UBE3A: variants seen among roughly 807,000 people sequenced by gnomAD.
UBE3A encodes ubiquitin protein ligase E3A.
Under a neutral mutation model 83.4 loss-of-function variants are expected in UBE3A, and 6 were observed. The ratio of observed to expected loss-of-function variants is 0.07; its 90% CI spans 0.04 to 0.14. The LOEUF (loss-of-function observed/expected upper bound fraction) is 0.14, where lower values mean the gene tolerates loss of function less well. Ranked by LOEUF, UBE3A falls within the 10% of genes least tolerant of loss-of-function variation. The pLI is 1.00. For missense variants in UBE3A, 456 were observed against 1,036.1 expected, an observed-to-expected ratio of 0.44 and a Z score of 7.69; for synonymous variants, 337 against 355.4, an observed-to-expected ratio of 0.95 and a Z score of 0.58.
rs2080359314 is a variant in UBE3A at position 25,371,951 on chromosome 15, A to C, written c.362-139T>G. The C allele has an allele frequency of 2.2e-6, 2 of 914,748 alleles. No homozygotes were observed. The highest frequency in any genetic ancestry group is 3.5e-4 in the Middle Eastern group (1 of 2,872). The allele number at this position is 914,748 out of a possible 1,614,324, so 56.7% of individuals were successfully genotyped here. On this transcript the variant is annotated intron_variant, in intron 5 of 12. Transcript: ENST00000648336. This position sits in a 1 kb window ranked among gnomAD's most constrained non-coding sequence, Gnocchi z 5.3. ...TGATATACAACTCTTAAAGTATCTA[A>C]TACTTAGATTCAGCAAACAAAATTT...
chr15:25,423,434 A>C (rs1281158023), intron 1 of UBE3A, among the ~76,000 whole-genome samples: 1 of 152,210 alleles, frequency 6.6e-6, no homozygotes, highest in African/African-American at 2.4e-5. Flanking sequence ...ATTTGTAGGA[A>C]TCTACCTTAC....
At position 25,336,288 on chromosome 15, in the gene UBE3A, A is replaced by C. The variant is rs543096076; in HGVS notation, c.*2849T>G. 21 of 152,332 alleles carry C rather than the reference A, an allele frequency of 1.4e-4. No homozygotes were observed. Among genetic ancestry groups the C allele is most frequent in the Non-Finnish European group, 2.8e-4 (19 of 68,052 alleles). 9.4% of individuals were successfully genotyped at this position (152,332 alleles called of 1,614,324 possible). Reference sequence around the variant, plus strand: ...AGACACTGGCGGAAAGTCAGAGAAAAAAAATTACAGTAAGCAGGTAAAGGG... The same window carrying C: ...AGACACTGGCGGAAAGTCAGAGAAACAAAATTACAGTAAGCAGGTAAAGGG... On this transcript the variant is annotated 3_prime_UTR_variant, in exon 13 of 13. Transcript: ENST00000648336.
At chr15:25,375,392 T>C (rs1008212218) in intron 5 of UBE3A, 73 bp downstream of exon 5, 2 of 1,527,500 alleles carry the variant, frequency 1.3e-6, no homozygotes, top group East Asian at 2.3e-5. Context: ...AAAAAACAAA[T>C]AAAAACTAAT....
chr15:25,367,372 C>T (rs571362491), intron 6 of UBE3A, among the ~76,000 whole-genome samples: 5 of 149,874 alleles, frequency 3.3e-5, no homozygotes, highest in African/African-American at 1.2e-4. Context: ...TTGTAAAAAC[C>T]TCATCACATT....
chr15:25,413,368 GT>G (rs934305211), intron 1 of UBE3A, among the ~76,000 whole-genome samples: 3 of 151,746 alleles, frequency 2.0e-5, no homozygotes, highest in Admixed American at 6.6e-5. Flanking sequence ...TTCACAAACT[GT>G]TTTTTTCTAT....
At chr15:25,346,610 A>C (rs778865388) in intron 11 of UBE3A, 1 of 152,212 alleles carries the variant, frequency 6.6e-6, no homozygotes, top group African/African-American at 2.4e-5. Flanking sequence ...CAGAGAAATG[A>C]TTTGACAAGC....
chr15:25,356,547 C>T (rs1345575267), intron 8 of UBE3A, 144 bp downstream of exon 8: 6 of 805,564 alleles, frequency 7.4e-6, no homozygotes, highest in Admixed American at 2.8e-5. Flanking sequence ...TCTGGTACTT[C>T]GGTCAGATTA....
intron 8 of UBE3A, 33 bp from the exon 9 acceptor site, chr15:25,356,089 A>T: frequency 6.2e-7 from 1 of 1,606,974 alleles, no homozygotes; most frequent in Non-Finnish European, 8.5e-7. Context: ...TGAGGCCACC[A>T]TAGAACTACA....
At chr15:25,437,781 C>A (rs1895550865) in intron 1 of UBE3A, among the ~76,000 whole-genome samples, 1 of 152,078 alleles carries the variant, frequency 6.6e-6, no homozygotes, top group African/African-American at 2.4e-5. Context: ...ACATTCAATT[C>A]TACCTTTACC....
In UBE3A at chr15:25,426,040, T is replaced by A. The variant is rs750042423; in HGVS notation, c.-165+12449A>T. Among the ~76,000 whole-genome samples the A allele has an allele frequency of 4.4e-3, 625 of 143,536 alleles. 3 individuals are homozygous for A. Among genetic ancestry groups the A allele is most frequent in the Non-Finnish European group, 7.6e-3 (489 of 64,496 alleles). 94.2% of individuals were successfully genotyped at this position (143,536 alleles called of 152,430 possible). ...CTTGGGTTCTTTGAAATTTTTTTTT[T>A]AAATAAGGTATGTTTATTTCTTATT... On this transcript the variant is annotated intron_variant, in intron 1 of 12. Coordinates refer to ENST00000648336, the MANE Select transcript of UBE3A (RefSeq NM_130839.5).
At chr15:25,387,761 AC>A (rs2083442666) in intron 4 of UBE3A, among the ~76,000 whole-genome samples, 1 of 152,142 alleles carries the variant, frequency 6.6e-6, no homozygotes, top group African/African-American at 2.4e-5. Flanking sequence ...GGACAAAATA[AC>A]TAATATCAGA....
intron 6 of UBE3A, among the ~76,000 whole-genome samples, chr15:25,367,275 A>ATATTTGTAAATATGCAAATATTTG (rs1479869705): frequency 9.0e-6 from 1 of 111,354 alleles, no homozygotes; most frequent in Non-Finnish European, 2.0e-5. Context: ...GTAAATATTT[A>ATATTTGTAAATATGCAAATATTTG]CATATTTAAA....
At chr15:25,386,200 A>G (rs553274002) in intron 4 of UBE3A, among the ~76,000 whole-genome samples, 1 of 152,300 alleles carries the variant, frequency 6.6e-6, no homozygotes, top group South Asian at 2.1e-4. Flanking sequence ...AGCTCACTAA[A>G]AAGACTGACC....
intron 4 of UBE3A, among the ~76,000 whole-genome samples, chr15:25,384,493 A>C (rs1204632557): frequency 6.6e-6 from 1 of 151,734 alleles, no homozygotes; most frequent in Non-Finnish European, 1.5e-5. Flanking sequence ...AAAATTATAC[A>C]ACAATGCTGA....
At chr15:25,392,467 G>A (rs1034091258) in intron 4 of UBE3A, among the ~76,000 whole-genome samples, 1 of 152,058 alleles carries the variant, frequency 6.6e-6, no homozygotes, top group African/African-American at 2.4e-5. Context: ...TTCAAGGATT[G>A]AGCAATAACT....
At chr15:25,357,026 T>C (rs538167102) in intron 7 of UBE3A, 130 bp from the exon 8 acceptor site, 39 of 748,032 alleles carry the variant, frequency 5.2e-5, no homozygotes, top group Non-Finnish European at 7.3e-5. Flanking sequence ...GCATGCAACA[T>C]TGATTTCTAT....
rs1290049935 is a variant in UBE3A at position 25,354,408 on chromosome 15, G to A, written c.2299C>T (p.Leu767=). The A allele has an allele frequency of 3.1e-6, 5 of 1,613,926 alleles. No individual in the cohort carries two copies. In the South Asian group the frequency reaches 3.3e-5, roughly 11 times the overall value. Residue 767 remains leucine, a synonymous_variant, in exon 11 of 13, where the codon CTA becomes TTA. Coordinates refer to ENST00000648336, the MANE Select transcript of UBE3A (RefSeq NM_130839.5). ...CGSRNLDFQA[L]EETTEYDGGY... ...CCGTCATATTCTGTAGTTTCTTCTAGTGCTTGGAAATCTAGATTCTGCAAA... is the reference window on the plus strand; with the variant it reads ...CCGTCATATTCTGTAGTTTCTTCTAATGCTTGGAAATCTAGATTCTGCAAA...
chr15:25,357,455 T>C (rs2077375336), intron 7 of UBE3A: 1 of 153,566 alleles, frequency 6.5e-6, no homozygotes, highest in African/African-American at 2.4e-5. Context: ...TTCAAACAAT[T>C]CTCCTGCCTC....
rs1257907158 is a variant in UBE3A at position 25,427,794 on chromosome 15, G to A, written c.-165+10695C>T. On this transcript the variant is annotated intron_variant, in intron 1 of 12. Transcript: ENST00000648336. ...GGAAGAGAGGGAGACCCTGTCTCCT[G>A]GAAAAAAAAAAAAAAAAAAAAAGGT... Among the ~76,000 whole-genome samples the A allele has an allele frequency of 9.1e-4, 11 of 12,118 alleles. No homozygotes were observed. In the East Asian group the frequency reaches 0.02, roughly 23 times the overall value. 7.9% of individuals were successfully genotyped at this position (12,118 alleles called of 152,430 possible). A position where few individuals can be genotyped will look rare whatever the true frequency, so the allele number is the denominator to read the frequency against.
Sources: gnomAD v4.1 joint callset for allele counts (sites outside exome capture counted in the v4.1 genomes callset) on GRCh38, gnomAD v4.1.1 for gene constraint, Gnocchi (gnomAD v3.1) non-coding constraint, MANE v1.5 for transcripts, NCBI Gene and HGNC (gene_info 2026-07-23, HGNC 2026-07-21) for gene names.